Variants in CA10 observed in about 807,000 individuals in gnomAD.
The protein encoded by CA10 is carbonic anhydrase-related protein 10.
In CA10, 14 loss-of-function variants were observed where a neutral mutation model predicts 44.2. The observed-to-expected ratio is 0.32, with a 90% CI of 0.21 to 0.50. The LOEUF (loss-of-function observed/expected upper bound fraction) is 0.50, where lower values mean the gene tolerates loss of function less well. Among genes scored for constraint, CA10 ranks in the 20% least tolerant of loss-of-function variants. The probability of loss-of-function intolerance (pLI) is 0.99; values close to 1 mark genes in which losing one functional copy is unlikely to be tolerated. For missense variants in CA10, 350 were observed against 409.7 expected, an observed-to-expected ratio of 0.85 and a Z score of 1.26; for synonymous variants, 159 against 141.6, an observed-to-expected ratio of 1.12 and a Z score of -0.87.
intron 2 of CA10, among the ~76,000 whole-genome samples, chr17:52,062,693 C>T (rs1987422527): frequency 6.6e-6 from 1 of 152,210 alleles, no homozygotes; most frequent in South Asian, 2.1e-4. Context: ...ATCTCAGCAG[C>T]ATCCACTTGG....
At chr17:52,157,685 A>G (rs1477286998) in intron 1 of CA10, 41 bp downstream of exon 1, 7 of 1,585,244 alleles carry the variant, frequency 4.4e-6, no homozygotes, top group East Asian at 4.5e-5. Context: ...AGACATCACA[A>G]CATAATCCAA....
intron 3 of CA10, among the ~76,000 whole-genome samples, chr17:51,883,860 A>G (rs1980481743): frequency 6.6e-6 from 1 of 151,870 alleles, no homozygotes; most frequent in African/African-American, 2.4e-5. Flanking sequence ...TATACACTCT[A>G]CCTCCTATTT....
chr17:52,086,093 A>T (rs1027175304), intron 1 of CA10, among the ~76,000 whole-genome samples: 1 of 152,236 alleles, frequency 6.6e-6, no homozygotes, highest in African/African-American at 2.4e-5. Flanking sequence ...TTATGTTTGC[A>T]TACTCATTCT....
intron 1 of CA10, among the ~76,000 whole-genome samples, chr17:52,076,491 A>G (rs529899233): frequency 1.6e-4 from 24 of 152,368 alleles, no homozygotes; most frequent in African/African-American, 5.8e-4. Flanking sequence ...TGCATTGTGA[A>G]GAACCAAATT....
At chr17:52,062,563 G>A (rs906915897) in intron 2 of CA10, among the ~76,000 whole-genome samples, 5 of 152,198 alleles carry the variant, frequency 3.3e-5, no homozygotes, top group African/African-American at 7.2e-5. Flanking sequence ...GAACAGGCCC[G>A]AGTTACCCCG....
chr17:51,970,443 C>T (rs753142193), intron 2 of CA10, among the ~76,000 whole-genome samples: 3 of 151,972 alleles, frequency 2.0e-5, no homozygotes, highest in Non-Finnish European at 4.4e-5. Context: ...GTCTAAAAAT[C>T]GGAATTAAAA....
intron 3 of CA10, among the ~76,000 whole-genome samples, chr17:51,825,294 C>CT (rs1348452002): frequency 6.7e-6 from 1 of 150,148 alleles, no homozygotes; most frequent in South Asian, 2.1e-4. Flanking sequence ...GGCTTTGATG[C>CT]TTTTTTCCTT....
intron 4 of CA10, among the ~76,000 whole-genome samples, chr17:51,743,657 G>A (rs892215113): frequency 6.6e-6 from 1 of 152,176 alleles, no homozygotes; most frequent in African/African-American, 2.4e-5. Context: ...AACGACTGTT[G>A]CACTGTGCCA....
chr17:52,078,372 A>G (rs1987873172), intron 1 of CA10, among the ~76,000 whole-genome samples: 1 of 152,230 alleles, frequency 6.6e-6, no homozygotes, highest in African/African-American at 2.4e-5. Context: ...CCAAACCATA[A>G]GCACATACAT....
At chr17:52,114,340 A>C (rs1988846432) in intron 1 of CA10, among the ~76,000 whole-genome samples, 1 of 152,204 alleles carries the variant, frequency 6.6e-6, no homozygotes, top group Non-Finnish European at 1.5e-5. Context: ...ATAGCAGTAA[A>C]GAATGTGACT....
chr17:51,842,707 A>G (rs901967791), intron 3 of CA10, among the ~76,000 whole-genome samples: 1 of 150,526 alleles, frequency 6.6e-6, no homozygotes, highest in South Asian at 2.1e-4. Flanking sequence ...TTTCATATTA[A>G]ACCTTTTTTT....
chr17:51,952,426 A>G (rs1002281215), intron 2 of CA10, among the ~76,000 whole-genome samples: 1 of 152,104 alleles, frequency 6.6e-6, no homozygotes, highest in Admixed American at 6.6e-5. Flanking sequence ...ACACTGGCTC[A>G]TGCTCAGCTA....
intron 3 of CA10, among the ~76,000 whole-genome samples, chr17:51,767,849 G>A (rs1905447231): frequency 6.6e-6 from 1 of 151,764 alleles, no homozygotes; most frequent in Non-Finnish European, 1.5e-5. Flanking sequence ...GTTAATAATA[G>A]GGTTCATGCT....
chr17:51,788,705 C>T (rs1598045625), intron 3 of CA10, among the ~76,000 whole-genome samples: 1 of 152,290 alleles, frequency 6.6e-6, no homozygotes, highest in African/African-American at 2.4e-5. Flanking sequence ...GGATGATTTC[C>T]CTTGAACACT....
chr17:52,098,713 C>A (rs1473292351), intron 1 of CA10, among the ~76,000 whole-genome samples: 1 of 152,154 alleles, frequency 6.6e-6, no homozygotes, highest in East Asian at 1.9e-4. Context: ...CCTGTGATAC[C>A]TACCTGTTCC....
At chr17:51,647,353 G>A (rs756046059) in intron 6 of CA10, among the ~76,000 whole-genome samples, 5 of 152,086 alleles carry the variant, frequency 3.3e-5, no homozygotes, top group Non-Finnish European at 5.9e-5. Flanking sequence ...ACTCTTCACC[G>A]GCCTTCAGTG....
intron 2 of CA10, among the ~76,000 whole-genome samples, chr17:52,049,998 C>T (rs1265077873): frequency 6.6e-6 from 1 of 152,046 alleles, no homozygotes; most frequent in Non-Finnish European, 1.5e-5. Flanking sequence ...CAGCAATAGG[C>T]TATACCACAT....
chr17:51,680,661 T>C (rs1167282762), intron 4 of CA10, among the ~76,000 whole-genome samples: 1 of 152,206 alleles, frequency 6.6e-6, no homozygotes, highest in Non-Finnish European at 1.5e-5. Context: ...GAGTCAAGAA[T>C]GCTAAAGGAT....
chr17:51,658,776 A>T (rs1913894071), intron 4 of CA10, among the ~76,000 whole-genome samples: 1 of 152,178 alleles, frequency 6.6e-6, no homozygotes, highest in Non-Finnish European at 1.5e-5. Context: ...GGTGTGGAGG[A>T]GGGCAAAGTG....
Sources: allele counts gnomAD v4.1 joint callset (sites outside exome capture counted in the v4.1 genomes callset), GRCh38; gene constraint gnomAD v4.1.1; transcripts MANE v1.5; gene names NCBI Gene and HGNC (gene_info 2026-07-23, HGNC 2026-07-21).